The following CFAP69 variants were observed in gnomAD, a reference collection of about 807,000 sequenced individuals.
CFAP69 encodes the protein cilia- and flagella-associated protein 69.
Under a neutral mutation model 123.0 loss-of-function variants are expected in CFAP69, and 92 were observed. The ratio of observed to expected loss-of-function variants is 0.75; its 90% CI spans 0.63 to 0.89. The LOEUF (loss-of-function observed/expected upper bound fraction) is 0.89. Among genes scored for constraint, CFAP69 ranks in the 40% least tolerant of loss-of-function variants. The probability of loss-of-function intolerance (pLI) is 0.00; values close to 1 mark genes in which losing one functional copy is unlikely to be tolerated. For missense variants in CFAP69, 1,067 were observed against 1,096.9 expected (o/e 0.97, Z 0.39); for synonymous variants, 380 against 364.3 (o/e 1.04, Z -0.49).
At chr7:90,272,965 C>T (rs1800175041) in intron 8 of CFAP69, among the ~76,000 whole-genome samples, 1 of 152,106 alleles carries the variant, frequency 6.6e-6, no homozygotes, top group African/African-American at 2.4e-5. Flanking sequence ...GGCAGCCTCA[C>T]AGGAGCAAAA....
Position 90,307,037 on chromosome 7 carries a change from G to T in CFAP69, c.2402G>T (p.Ser801Ile). Residue 801 changes from serine (S) to isoleucine (I), a missense_variant, in exon 20 of 23, where the codon AGT becomes ATT. Coordinates refer to ENST00000389297, the MANE Select transcript of CFAP69 (RefSeq NM_001039706.3). ...NIGKMVASLQ[S>I]DIIESQACQD... Reference sequence around the variant, plus strand: ...GGAAAGATGGTTGCTTCTCTGCAAAGTGATATAATTGAAAGCCAAGCATGC... The same window carrying T: ...GGAAAGATGGTTGCTTCTCTGCAAATTGATATAATTGAAAGCCAAGCATGC... 6.2e-7 allele frequency: 1 copy of T among 1,613,298 alleles called. No homozygotes were observed. Among genetic ancestry groups the T allele is most frequent in the Non-Finnish European group, 8.5e-7 (1 of 1,179,794 alleles).
intron 2 of CFAP69, among the ~76,000 whole-genome samples, chr7:90,256,179 C>T (rs1271997892): frequency 6.6e-6 from 1 of 152,076 alleles, no homozygotes; most frequent in Non-Finnish European, 1.5e-5. Context: ...ACATATACAC[C>T]ATGGAATACT....
At chr7:90,247,068 G>A (rs1796421011) in intron 1 of CFAP69, among the ~76,000 whole-genome samples, 3 of 152,004 alleles carry the variant, frequency 2.0e-5, no homozygotes, top group Admixed American at 6.5e-5. Context: ...TAACATTTTC[G>A]AAGTACTGAG....
chr7:90,256,821 A>G (rs1797711986), intron 2 of CFAP69, among the ~76,000 whole-genome samples: 1 of 152,228 alleles, frequency 6.6e-6, no homozygotes, highest in Non-Finnish European at 1.5e-5. Flanking sequence ...AAAAGTATAG[A>G]CAATATCACA....
Position 90,271,826 on chromosome 7 carries a change from T to C in CFAP69, c.728T>C (p.Ile243Thr). ...ATGAAAGCACAAGCAGCCAGTGGAA[T>C]CTGTACTCACCTCAATGACCCAGAT... The part of the protein sequence containing the change: ...IMMKAQAASG[I>T]CTHLNDPDPS... The change falls in exon 8 of 23, where the codon ATC becomes ACC. Residue 243 changes from isoleucine (I) to threonine (T), a missense_variant. Physicochemically the swap from Ile to Thr is moderately conservative, Grantham distance 89. Coordinates refer to ENST00000389297, the MANE Select transcript of CFAP69 (RefSeq NM_001039706.3). 1 of 1,597,326 alleles carries C rather than the reference T, an allele frequency of 6.3e-7. No homozygotes were observed. Among genetic ancestry groups the C allele is most frequent in the Non-Finnish European group, 8.5e-7 (1 of 1,170,588 alleles).
At chr7:90,308,035 A>G (rs1793863551) in intron 21 of CFAP69, among the ~76,000 whole-genome samples, 181 bp downstream of exon 21, 1 of 152,192 alleles carries the variant, frequency 6.6e-6, no homozygotes, top group Admixed American at 6.6e-5. Context: ...GTTACAGAAG[A>G]TGCTGCTTTG....
intron 18 of CFAP69, 84 bp downstream of exon 18, chr7:90,304,190 T>A: frequency 7.0e-7 from 1 of 1,418,926 alleles, no homozygotes; most frequent in South Asian, 1.7e-5. Context: ...TTTTCAAATA[T>A]AATGAGCAAA....
intron 9 of CFAP69, among the ~76,000 whole-genome samples, chr7:90,276,748 A>G (rs1424170815): frequency 1.3e-5 from 2 of 152,230 alleles, no homozygotes; most frequent in African/African-American, 2.4e-5. Flanking sequence ...AACGAATTAT[A>G]GAAGTAACTA....
intron 11 of CFAP69, 89 bp from the exon 12 acceptor site, chr7:90,279,587 AT>A: frequency 1.3e-6 from 1 of 746,658 alleles, no homozygotes; most frequent in Non-Finnish European, 2.0e-6. Context: ...ATAATCCCCA[AT>A]AAAACATCAA....
chr7:90,310,206 G>A lies in CFAP69; in HGVS notation c.2794G>A (p.Val932Met), dbSNP rs765228770. 1 of 1,613,756 alleles carries A rather than the reference G, an allele frequency of 6.2e-7. No homozygotes were observed. Among genetic ancestry groups the A allele is most frequent in the Non-Finnish European group, 8.5e-7 (1 of 1,179,800 alleles). ...ALQRVKAVKI[V>M]DAPKKSIPT is the part of the protein sequence containing the mutation. ...GCAGAGGGTGAAAGCAGTTAAAATT[G>A]TGGATGCACCAAAAAAGAGTATTCC... Residue 932 changes from valine (V) to methionine (M), a missense_variant, in exon 23 of 23, where the codon GTG becomes ATG. Val to Met is a conservative substitution (Grantham distance 21, BLOSUM62 1). Transcript: ENST00000389297.
chr7:90,304,912 A>G, intron 19 of CFAP69, 92 bp downstream of exon 19: 2 of 918,528 alleles, frequency 2.2e-6, no homozygotes, highest in South Asian at 1.6e-5. Context: ...GTGAGCAATC[A>G]TCTACATACT....
chr7:90,310,922 C>T lies in CFAP69; in HGVS notation c.*684C>T, dbSNP rs1200322343. 2.6e-5 allele frequency: 4 copies of T among 152,022 alleles called. No homozygotes were observed. Among genetic ancestry groups the T allele is most frequent in the African/African-American group, 9.7e-5 (4 of 41,366 alleles). The allele number at this position is 152,022 out of a possible 1,614,324, so 9.4% of individuals were successfully genotyped here. A position where few individuals can be genotyped will look rare whatever the true frequency, so the allele number is the denominator to read the frequency against. ...TTGGGCAGCAAGATAAACAATAACT[C>T]TGCAACAAGTATGTTGGTCAAAATA... On this transcript the variant is annotated 3_prime_UTR_variant, in exon 23 of 23. Coordinates refer to ENST00000389297, the MANE Select transcript of CFAP69 (RefSeq NM_001039706.3).
intron 2 of CFAP69, 31 bp downstream of exon 2, chr7:90,255,513 C>G: frequency 6.7e-7 from 1 of 1,500,244 alleles, no homozygotes; most frequent in African/African-American, 1.4e-5. Flanking sequence ...AATTACTCCG[C>G]TGCATTACTT....
intron 4 of CFAP69, among the ~76,000 whole-genome samples, chr7:90,264,270 C>A (rs944553607): frequency 6.6e-6 from 1 of 150,794 alleles, no homozygotes; most frequent in African/African-American, 2.4e-5. Context: ...TTTATATTTT[C>A]TTTGAAATTT....
Position 90,261,965 on chromosome 7 carries a change from C to T in CFAP69, c.265C>T (p.Gln89Ter), listed in dbSNP as rs752360384. ...ATTAAAGCCATTAAGGGATTTAGCACAGATATTTAAAATTCTGAATCTGTG... is the reference window on the plus strand; with the variant it reads ...ATTAAAGCCATTAAGGGATTTAGCATAGATATTTAAAATTCTGAATCTGTG... ...QNGLPLRDLA[Q>*]IFKILNLCSG... Residue 89 changes from glutamine to a stop codon, truncating the protein, a stop_gained, in exon 4 of 23, where the codon CAG becomes TAG. Coordinates refer to ENST00000389297, the MANE Select transcript of CFAP69 (RefSeq NM_001039706.3). LOFTEE classifies it high-confidence loss of function. 1.3e-6 allele frequency: 2 copies of T among 1,585,398 alleles called. No homozygotes were observed. The highest frequency in any genetic ancestry group is 1.7e-6 in the Non-Finnish European group (2 of 1,164,576).
chr7:90,257,848 C>G (rs1797833089), intron 2 of CFAP69, among the ~76,000 whole-genome samples: 1 of 152,126 alleles, frequency 6.6e-6, no homozygotes, highest in Non-Finnish European at 1.5e-5. Flanking sequence ...CTGTAGGTAT[C>G]TCATTGATAC....
intron 4 of CFAP69, among the ~76,000 whole-genome samples, chr7:90,263,121 C>T (rs73707433): frequency 0.015 from 2,312 of 152,244 alleles, 77 homozygotes; most frequent in African/African-American, 0.053. Context: ...TTGCTTTCAA[C>T]ATCTATGCTC....
intron 20 of CFAP69, 99 bp downstream of exon 20, chr7:90,307,197 A>G: frequency 3.8e-6 from 3 of 789,946 alleles, no homozygotes; most frequent in Non-Finnish European, 6.3e-6. Flanking sequence ...TCAATAGCAC[A>G]GTAGGACAAC....
At chr7:90,249,023 CA>C (rs1382005865) in intron 1 of CFAP69, among the ~76,000 whole-genome samples, 2 of 152,178 alleles carry the variant, frequency 1.3e-5, no homozygotes, top group Non-Finnish European at 2.9e-5. Flanking sequence ...CTAGTCATAA[CA>C]GCTTTATTAA....
Sources: gnomAD v4.1 joint callset for allele counts (sites outside exome capture counted in the v4.1 genomes callset) on GRCh38, gnomAD v4.1.1 for gene constraint, MANE v1.5 for transcripts, NCBI Gene and HGNC (gene_info 2026-07-23, HGNC 2026-07-21) for gene names.